The following SLC5A3 variants were observed in gnomAD, a reference collection of about 807,000 sequenced individuals.
SLC5A3 encodes the protein solute carrier family 5 member 3, also known as sodium/myo-inositol cotransporter.
A neutral mutation model predicts 43.2 loss-of-function variants in SLC5A3; 10 were observed. The ratio of observed to expected loss-of-function variants is 0.23; its 90% CI spans 0.14 to 0.39. The LOEUF is 0.39. SLC5A3 is among the 10% of genes least tolerant of loss of function. The probability of loss-of-function intolerance (pLI) is 1.00; values close to 1 mark genes in which losing one functional copy is unlikely to be tolerated. For missense variants in SLC5A3, 608 were observed against 893.4 expected (o/e 0.68, Z 4.07); for synonymous variants, 349 against 322.0 (o/e 1.08, Z -0.90).
At chr21:34,076,675 G>A (rs1225289194) in intron 1 of SLC5A3, among the ~76,000 whole-genome samples, 1 of 152,190 alleles carries the variant, frequency 6.6e-6, no homozygotes, top group South Asian at 2.1e-4. Flanking sequence ...CTGTTTTAGC[G>A]TGAAAAGTAG....
chr21:34,074,507 A>T (rs1602895331), intron 1 of SLC5A3, among the ~76,000 whole-genome samples: 1 of 152,150 alleles, frequency 6.6e-6, no homozygotes, highest in African/African-American at 2.4e-5. Context: ...AGGGATGCTA[A>T]GCGAACCAGC....
chr21:34,088,885 TA>T (rs925911086), intron 1 of SLC5A3, among the ~76,000 whole-genome samples: 68 of 151,874 alleles, frequency 4.5e-4, no homozygotes, highest in African/African-American at 1.6e-3. Context: ...TTTTTTTTTT[TA>T]AATTTCCATT....
In SLC5A3 at chr21:34,098,915, A is replaced by G; in HGVS notation, c.*1560A>G. The G allele has an allele frequency of 1.0e-6, 1 of 994,224 alleles. No individual in the cohort carries two copies. Among genetic ancestry groups the G allele is most frequent in the African/African-American group, 1.7e-5 (1 of 57,228 alleles). 61.6% of individuals were successfully genotyped at this position (994,224 alleles called of 1,614,324 possible). Reference sequence around the variant, plus strand: ...TTCTTTAATCTCTGATACTTTTTAGATTGCATGATTTTACTAGGCTTGTAT... The same window carrying G: ...TTCTTTAATCTCTGATACTTTTTAGGTTGCATGATTTTACTAGGCTTGTAT... On this transcript the variant is annotated 3_prime_UTR_variant, in exon 2 of 2. Coordinates refer to ENST00000381151, the MANE Select transcript of SLC5A3 (RefSeq NM_006933.7).
chr21:34,099,094 A>G lies in SLC5A3; in HGVS notation c.*1739A>G, dbSNP rs551781068. ...TTGTCAGGTAGCATAGTGTCTTCCC[A>G]TGATCAGGAGGCTTTCTGAAGGACT... On this transcript the variant is annotated 3_prime_UTR_variant, in exon 2 of 2. Coordinates refer to ENST00000381151, the MANE Select transcript of SLC5A3 (RefSeq NM_006933.7). The G allele has an allele frequency of 1.2e-5, 12 of 999,776 alleles. No individual in the cohort carries two copies. In the African/African-American group the frequency reaches 1.6e-4, roughly 13 times the overall value. 61.9% of individuals were successfully genotyped at this position (999,776 alleles called of 1,614,324 possible). A position where few individuals can be genotyped will look rare whatever the true frequency, so the allele number is the denominator to read the frequency against.
At chr21:34,094,221 C>T (rs1978857343) in intron 1 of SLC5A3, among the ~76,000 whole-genome samples, 1 of 152,056 alleles carries the variant, frequency 6.6e-6, no homozygotes, top group Admixed American at 6.5e-5. Flanking sequence ...TGTCGTGTTT[C>T]CCATTAGGGC....
chr21:34,086,988 A>G (rs542584645), intron 1 of SLC5A3, among the ~76,000 whole-genome samples: 1 of 152,308 alleles, frequency 6.6e-6, no homozygotes, highest in South Asian at 2.1e-4. Context: ...ATCACTGCAC[A>G]CTAAGAGGTG....
intron 1 of SLC5A3, among the ~76,000 whole-genome samples, chr21:34,076,961 C>G (rs1253128469): frequency 6.6e-6 from 1 of 152,096 alleles, no homozygotes; most frequent in African/African-American, 2.4e-5. Context: ...GGCTGCAGTC[C>G]CAGGTAGCCT....
At chr21:34,084,846 G>C (rs1325939984) in intron 1 of SLC5A3, among the ~76,000 whole-genome samples, 1 of 151,872 alleles carries the variant, frequency 6.6e-6, no homozygotes, top group Non-Finnish European at 1.5e-5. Context: ...AAAAATTTCA[G>C]ACTTAAAGAG....
At position 34,102,264 on chromosome 21, in the gene SLC5A3, TTAG is replaced by T. The variant is rs1312662439; in HGVS notation, c.*4914_*4916del. 5 of 999,772 alleles carry T rather than the reference TTAG, an allele frequency of 5.0e-6. No individual in the cohort carries two copies. The African/African-American group carries it at 5.2e-5, about 10-fold the overall frequency. The allele number at this position is 999,772 out of a possible 1,614,324, so 61.9% of individuals were successfully genotyped here. A position where few individuals can be genotyped will look rare whatever the true frequency, so the allele number is the denominator to read the frequency against. On this transcript the variant is annotated 3_prime_UTR_variant, in exon 2 of 2. Transcript: ENST00000381151. The stretch of plus-strand genomic sequence containing the variant: ...TGGTGAGTCCCACACCATTATTCAC[TTAG>T]TAGTCATATAAATGTTTTTATTTAA...
Position 34,099,212 on chromosome 21 carries a change from C to T in SLC5A3, c.*1857C>T. Reference sequence around the variant, plus strand: ...GTAGAATTTTTTTCTCAATTTTATTCTTGAGGTTTATAATTTGGGGGCCAA... The same window carrying T: ...GTAGAATTTTTTTCTCAATTTTATTTTTGAGGTTTATAATTTGGGGGCCAA... On this transcript the variant is annotated 3_prime_UTR_variant, in exon 2 of 2. Coordinates refer to ENST00000381151, the MANE Select transcript of SLC5A3 (RefSeq NM_006933.7). 1.0e-6 allele frequency: 1 copy of T among 999,960 alleles called. No individual in the cohort carries two copies. 61.9% of individuals were successfully genotyped at this position (999,960 alleles called of 1,614,324 possible). A position where few individuals can be genotyped will look rare whatever the true frequency, so the allele number is the denominator to read the frequency against.
At position 34,103,948 on chromosome 21, in the gene SLC5A3, T is replaced by G. The variant is rs751027676; in HGVS notation, c.*6593T>G. The G allele has an allele frequency of 7.0e-6, 7 of 1,000,118 alleles. No individual in the cohort carries two copies. Among genetic ancestry groups the G allele is most frequent in the Admixed American group, 1.2e-4 (2 of 16,244 alleles). 62.0% of individuals were successfully genotyped at this position (1,000,118 alleles called of 1,614,324 possible). ...GTGGGTGGAACAGGTGACATATTTC[T>G]GTTTTAAGCTGTAGTGTGATTGGGG... On this transcript the variant is annotated 3_prime_UTR_variant, in exon 2 of 2. Coordinates refer to ENST00000381151, the MANE Select transcript of SLC5A3 (RefSeq NM_006933.7).
chr21:34,085,846 C>T (rs1978343803), intron 1 of SLC5A3, among the ~76,000 whole-genome samples: 1 of 152,176 alleles, frequency 6.6e-6, no homozygotes, highest in Non-Finnish European at 1.5e-5. Flanking sequence ...TCGTGATTCA[C>T]CCGCCTCGGC....
At chr21:34,092,518 G>A (rs73363308) in intron 1 of SLC5A3, among the ~76,000 whole-genome samples, 10,260 of 152,250 alleles carry the variant, frequency 0.067, 1,176 homozygotes, top group African/African-American at 0.23. Context: ...TGGGCAGAGC[G>A]ACTTTACTAG....
In SLC5A3 at chr21:34,098,343, G is replaced by A; in HGVS notation, c.*988G>A. 1 of 1,000,242 alleles carries A rather than the reference G, an allele frequency of 1.0e-6. No individual in the cohort carries two copies. Among genetic ancestry groups the A allele is most frequent in the Non-Finnish European group, 1.2e-6 (1 of 829,984 alleles). 62.0% of individuals were successfully genotyped at this position (1,000,242 alleles called of 1,614,324 possible). A position where few individuals can be genotyped will look rare whatever the true frequency, so the allele number is the denominator to read the frequency against. On this transcript the variant is annotated 3_prime_UTR_variant, in exon 2 of 2. Transcript: ENST00000381151. ...ATGTCCAGAAACCTGAAGAAAAATT[G>A]ACGCTGCCTTTGTGTGCTGGATTGC...
chr21:34,076,131 A>G (rs1295590757), intron 1 of SLC5A3, among the ~76,000 whole-genome samples: 2 of 152,194 alleles, frequency 1.3e-5, no homozygotes, highest in Admixed American at 6.5e-5. Context: ...GTGTTAGGCA[A>G]CTTTAACAGC....
chr21:34,079,552 C>T (rs1989411581), intron 1 of SLC5A3, among the ~76,000 whole-genome samples: 1 of 150,626 alleles, frequency 6.6e-6, no homozygotes, highest in Admixed American at 6.6e-5. Flanking sequence ...TCTCATGTCT[C>T]AGCCTCCCAA....
intron 1 of SLC5A3, among the ~76,000 whole-genome samples, chr21:34,086,470 T>C (rs915482604): frequency 1.3e-5 from 2 of 152,132 alleles, no homozygotes; most frequent in Non-Finnish European, 2.9e-5. Context: ...TCCTTTTGCA[T>C]CAGTTAGCTG....
rs1431118376 is a variant in SLC5A3 at position 34,103,001 on chromosome 21, C to CAG, written c.*5649_*5650dup. On this transcript the variant is annotated 3_prime_UTR_variant, in exon 2 of 2. Coordinates refer to ENST00000381151, the MANE Select transcript of SLC5A3 (RefSeq NM_006933.7). ...GTGTTTACTTTTTATTGCTCTTAGA[C>CAG]AGAGTAGTCTAGATAAGTTTTCAAT... 1 of 999,606 alleles carries CAG rather than the reference C, an allele frequency of 1.0e-6. No homozygotes were observed. 61.9% of individuals were successfully genotyped at this position (999,606 alleles called of 1,614,324 possible). A position where few individuals can be genotyped will look rare whatever the true frequency, so the allele number is the denominator to read the frequency against.
chr21:34,085,541 T>G (rs947172768), intron 1 of SLC5A3, among the ~76,000 whole-genome samples: 1 of 152,070 alleles, frequency 6.6e-6, no homozygotes, highest in African/African-American at 2.4e-5. Context: ...AGGAGTACTT[T>G]AAAGCAAACT....
Sources: gnomAD v4.1 joint callset for allele counts (sites outside exome capture counted in the v4.1 genomes callset) on GRCh38, gnomAD v4.1.1 for gene constraint, MANE v1.5 for transcripts, NCBI Gene and HGNC (gene_info 2026-07-23, HGNC 2026-07-21) for gene names.